The following WDPCP variants were observed in gnomAD, a reference collection of about 807,000 sequenced individuals.
WDPCP encodes the protein WD repeat-containing and planar cell polarity effector protein fritz homolog.
Under a neutral mutation model 93.1 loss-of-function variants are expected in WDPCP, and 71 were observed. The observed-to-expected ratio is 0.76, with a 90% confidence interval of 0.63 to 0.93. The LOEUF (loss-of-function observed/expected upper bound fraction) is 0.93. Ranked by LOEUF, WDPCP falls within the 40% of genes least tolerant of loss-of-function variation. The pLI is 0.00. For missense variants in WDPCP, 844 were observed against 887.4 expected, an observed-to-expected ratio of 0.95 and a Z score of 0.62; for synonymous variants, 315 against 315.0, an observed-to-expected ratio of 1.00 and a Z score of 0.00.
chr2:63,227,711 G>A (rs1296158832), intron 14 of WDPCP, among the ~76,000 whole-genome samples: 7 of 152,056 alleles, frequency 4.6e-5, no homozygotes, highest in Admixed American at 1.3e-4. Flanking sequence ...TAACTCTGTA[G>A]TTGTAAATAT....
chr2:63,472,066 C>T (rs1220632265), intron 6 of WDPCP, among the ~76,000 whole-genome samples: 2 of 151,924 alleles, frequency 1.3e-5, no homozygotes, highest in African/African-American at 4.8e-5. Context: ...ACTTTCTTTC[C>T]GAATTTTGAA....
At chr2:63,344,714 T>G (rs1054909126) in intron 12 of WDPCP, among the ~76,000 whole-genome samples, 14 of 152,176 alleles carry the variant, frequency 9.2e-5, no homozygotes, top group Non-Finnish European at 1.6e-4. Flanking sequence ...AGATACACAC[T>G]GCCAGAAATG....
intron 14 of WDPCP, among the ~76,000 whole-genome samples, chr2:63,211,997 G>A (rs1433173207): frequency 6.6e-6 from 1 of 152,186 alleles, no homozygotes; most frequent in Admixed American, 6.5e-5. Context: ...CGTCTGATTG[G>A]TGTATCTGAA....
rs150543513 is a variant in WDPCP at position 63,756,523 on chromosome 2, C to T, written n.308+57099G>A. 3.3e-5 allele frequency among the ~76,000 whole-genome samples: 5 copies of T among 152,192 alleles called. No individual in the cohort carries two copies. In the East Asian group the frequency reaches 9.6e-4, roughly 29 times the overall value. ...CTATAGAATTTAATAACATTTACCTCAAAACAAGGAGCAGCTGTGTGGGAG... is the reference window on the plus strand; with the variant it reads ...CTATAGAATTTAATAACATTTACCTTAAAACAAGGAGCAGCTGTGTGGGAG... On this transcript the variant is annotated intron_variant and non_coding_transcript_variant, in intron 2 of 4. Transcript: ENST00000467687.
At chr2:63,193,256 G>GT (rs1185850055) in intron 14 of WDPCP, among the ~76,000 whole-genome samples, 3 of 152,118 alleles carry the variant, frequency 2.0e-5, no homozygotes, top group African/African-American at 7.2e-5. Flanking sequence ...CATTTTAGGT[G>GT]TTTTTTATTT....
In WDPCP at chr2:63,500,454, GGT is replaced by G. The variant is rs35916043; in HGVS notation, c.76-7516_76-7515del. ...GCCTTGAAAGAGAAAATGGTGTGGG[GGT>G]GTGTGTGTGTGTGTGTGTGTGTGTG... On this transcript the variant is annotated intron_variant, in intron 1 of 17. Coordinates refer to ENST00000272321, the MANE Select transcript of WDPCP (RefSeq NM_015910.7). Among the ~76,000 whole-genome samples the G allele has an allele frequency of 4.7e-4, 71 of 149,540 alleles. 1 individual carries two copies. The highest frequency in any genetic ancestry group is 3.4e-3 in the Middle Eastern group (1 of 290).
At chr2:63,233,673 C>T (rs1679129667) in intron 14 of WDPCP, 1 of 153,814 alleles carries the variant, frequency 6.5e-6, no homozygotes, top group African/African-American at 2.4e-5. Flanking sequence ...ACCACCAGCA[C>T]ATCAAGCAGA....
At chr2:63,252,869 T>A (rs550674418) in intron 14 of WDPCP, among the ~76,000 whole-genome samples, 2 of 152,226 alleles carry the variant, frequency 1.3e-5, no homozygotes, top group African/African-American at 4.8e-5. Flanking sequence ...TCTGTATCTA[T>A]CAAACTACCA....
At chr2:63,639,220 A>G (rs997475394) in intron 3 of WDPCP, among the ~76,000 whole-genome samples, 5 of 152,358 alleles carry the variant, frequency 3.3e-5, no homozygotes, top group African/African-American at 1.2e-4. Context: ...TGGGTGACAG[A>G]GTGAGACTCC....
chr2:63,814,507 T>C (rs564176985), intron 1 of WDPCP, among the ~76,000 whole-genome samples: 1 of 152,334 alleles, frequency 6.6e-6, no homozygotes, highest in South Asian at 2.1e-4. Context: ...ATTAAGCCAC[T>C]ACACCAATGC....
chr2:63,345,759 T>C (rs897454193), intron 12 of WDPCP, among the ~76,000 whole-genome samples: 3 of 152,196 alleles, frequency 2.0e-5, no homozygotes, highest in African/African-American at 4.8e-5. Context: ...TTGAGTATTC[T>C]GATACTGCAG....
intron 6 of WDPCP, chr2:63,478,052 G>A (rs1700068448): frequency 6.6e-6 from 1 of 151,994 alleles, no homozygotes; most frequent in African/African-American, 2.4e-5. Context: ...CAAGGGAGGG[G>A]GTGAATTGGG....
intron 1 of WDPCP, among the ~76,000 whole-genome samples, chr2:63,500,454 G>GGTGTGTGTGTGT (rs35916043): frequency 0.025 from 3,799 of 149,534 alleles, 60 homozygotes; most frequent in East Asian, 0.075. Context: ...ATGGTGTGGG[G>GGTGTGTGTGTGT]GTGTGTGTGT....
chr2:63,610,564 G>T (rs557348519), intron 3 of WDPCP, among the ~76,000 whole-genome samples: 312 of 148,942 alleles, frequency 2.1e-3, no homozygotes, highest in Middle Eastern at 3.4e-3. Context: ...TTTATTTTGA[G>T]AATTAAAAAA....
intron 2 of WDPCP, among the ~76,000 whole-genome samples, chr2:63,761,198 G>A (rs932917990): frequency 6.6e-6 from 1 of 152,124 alleles, no homozygotes; most frequent in African/African-American, 2.4e-5. Flanking sequence ...ATCTCAGAGT[G>A]GGTTTCTGAT....
At chr2:63,500,458 T>TGTGTGTGTGG (rs1293364409) in intron 1 of WDPCP, among the ~76,000 whole-genome samples, 2 of 151,284 alleles carry the variant, frequency 1.3e-5, no homozygotes, top group Admixed American at 1.3e-4. Context: ...TGTGGGGGTG[T>TGTGTGTGTGG]GTGTGTGTGT....
At chr2:63,431,251 C>G (rs923006249) in intron 9 of WDPCP, among the ~76,000 whole-genome samples, 2 of 152,060 alleles carry the variant, frequency 1.3e-5, no homozygotes, top group Non-Finnish European at 2.9e-5. Flanking sequence ...GATACTCCCT[C>G]CCCTCCAGAG....
At chr2:63,490,495 A>G (rs1700815171) in intron 2 of WDPCP, among the ~76,000 whole-genome samples, 1 of 152,198 alleles carries the variant, frequency 6.6e-6, no homozygotes, top group Non-Finnish European at 1.5e-5. Context: ...AGGGTTACTA[A>G]TTTAGTCTAG....
intron 1 of WDPCP, among the ~76,000 whole-genome samples, chr2:63,572,438 C>T (rs1276771369): frequency 6.6e-6 from 1 of 151,960 alleles, no homozygotes; most frequent in Non-Finnish European, 1.5e-5. Flanking sequence ...CATGGTGGCT[C>T]ATGCCTATAA....
Sources: gnomAD v4.1 joint callset for allele counts (sites outside exome capture counted in the v4.1 genomes callset) on GRCh38, gnomAD v4.1.1 for gene constraint, MANE v1.5 for transcripts, NCBI Gene and HGNC (gene_info 2026-07-23, HGNC 2026-07-21) for gene names.